The following RALYL variants were observed in gnomAD, a reference collection of about 807,000 sequenced individuals.
The protein encoded by RALYL is RNA-binding Raly-like protein.
In RALYL, 29 loss-of-function variants were observed where a neutral mutation model predicts 35.1. The observed-to-expected ratio is 0.83, with a 90% CI of 0.61 to 1.13. The LOEUF (loss-of-function observed/expected upper bound fraction) is 1.13, where lower values mean the gene tolerates loss of function less well. Among genes scored for constraint, RALYL ranks in the 50% most tolerant of loss-of-function variants. The pLI is 0.00. For missense variants in RALYL, 359 were observed against 360.4 expected, an observed-to-expected ratio of 1.00 and a Z score of 0.03; for synonymous variants, 120 against 127.6, an observed-to-expected ratio of 0.94 and a Z score of 0.40.
At chr8:84,748,088 A>T (rs549991762) in intron 2 of RALYL, among the ~76,000 whole-genome samples, 1 of 152,110 alleles carries the variant, frequency 6.6e-6, no homozygotes, top group South Asian at 2.1e-4. Context: ...AGGAAGGTAG[A>T]ATTCTTAGGT....
chr8:84,811,084 AACTTAT>A (rs1825803906), intron 4 of RALYL, among the ~76,000 whole-genome samples: 1 of 149,760 alleles, frequency 6.7e-6, no homozygotes, highest in African/African-American at 2.5e-5. Context: ...TTTTCTTTTT[AACTTAT>A]ACTTTTGTTT....
chr8:84,719,339 T>A (rs1298645818), intron 2 of RALYL, among the ~76,000 whole-genome samples: 4 of 152,210 alleles, frequency 2.6e-5, no homozygotes, highest in Non-Finnish European at 5.9e-5. Flanking sequence ...TATGTTACTA[T>A]GATATAGGCT....
intron 2 of RALYL, among the ~76,000 whole-genome samples, chr8:84,661,579 A>G (rs1830916449): frequency 6.7e-6 from 1 of 150,374 alleles, no homozygotes; most frequent in African/African-American, 2.4e-5. Flanking sequence ...TTATGGCAAT[A>G]GTTTTTTGAC....
chr8:84,326,519 T>C (rs554326794), intron 1 of RALYL, among the ~76,000 whole-genome samples: 237 of 152,346 alleles, frequency 1.6e-3, no homozygotes, highest in Non-Finnish European at 2.9e-3. Flanking sequence ...TTCGCTTAGT[T>C]GATGCCTCAA....
chr8:84,917,064 T>C (rs527343429), intron 8 of RALYL, among the ~76,000 whole-genome samples: 1 of 152,296 alleles, frequency 6.6e-6, no homozygotes, highest in East Asian at 1.9e-4. Context: ...ATACAGTAAC[T>C]TAAATTCTAT....
At chr8:84,513,148 G>A (rs1275382075) in intron 1 of RALYL, among the ~76,000 whole-genome samples, 1 of 152,088 alleles carries the variant, frequency 6.6e-6, no homozygotes, top group Non-Finnish European at 1.5e-5. Flanking sequence ...CATTCAATGA[G>A]CATGAAATGT....
intron 1 of RALYL, among the ~76,000 whole-genome samples, chr8:84,405,082 A>T (rs1400417597): frequency 1.3e-5 from 2 of 152,196 alleles, no homozygotes; most frequent in Admixed American, 1.3e-4. Context: ...ACACAACTAC[A>T]TGGAAACTGA....
At chr8:84,640,898 C>G (rs925642677) in intron 2 of RALYL, among the ~76,000 whole-genome samples, 1 of 151,834 alleles carries the variant, frequency 6.6e-6, no homozygotes, top group Non-Finnish European at 1.5e-5. Context: ...CTTATAAAGA[C>G]CATTATAACT....
intron 1 of RALYL, among the ~76,000 whole-genome samples, chr8:84,466,545 C>A (rs2133541166): frequency 6.6e-6 from 1 of 151,568 alleles, no homozygotes; most frequent in South Asian, 2.1e-4. Context: ...TTCGTTTTGC[C>A]AGTATTTTAT....
chr8:84,729,678 G>C (rs1050618483), intron 2 of RALYL, among the ~76,000 whole-genome samples: 1 of 151,796 alleles, frequency 6.6e-6, no homozygotes, highest in Non-Finnish European at 1.5e-5. Flanking sequence ...TCAAATAGAC[G>C]CAATAAAAAA....
intron 2 of RALYL, among the ~76,000 whole-genome samples, chr8:84,755,442 A>G (rs1811153113): frequency 6.6e-6 from 1 of 152,164 alleles, no homozygotes; most frequent in Admixed American, 6.6e-5. Context: ...TTTTGTTCAT[A>G]TTTGCTGTAT....
intron 1 of RALYL, among the ~76,000 whole-genome samples, chr8:84,407,536 A>G (rs1452183648): frequency 2.0e-5 from 3 of 151,902 alleles, no homozygotes; most frequent in Non-Finnish European, 2.9e-5. Flanking sequence ...TTGGCTCAAA[A>G]CTGAACATGT....
chr8:84,843,323 A>C (rs1833857474), intron 4 of RALYL, among the ~76,000 whole-genome samples: 1 of 152,160 alleles, frequency 6.6e-6, no homozygotes, highest in Non-Finnish European at 1.5e-5. Context: ...TACACCAATA[A>C]CAGACAAACA....
chr8:84,912,618 T>C (rs1374521875), intron 8 of RALYL, among the ~76,000 whole-genome samples: 2 of 152,070 alleles, frequency 1.3e-5, no homozygotes, highest in Admixed American at 1.3e-4. Context: ...ATTGGCTTCC[T>C]AACGCTCATT....
intron 2 of RALYL, among the ~76,000 whole-genome samples, chr8:84,632,974 G>T (rs1824243543): frequency 2.0e-5 from 3 of 151,906 alleles, no homozygotes; most frequent in African/African-American, 7.2e-5. Context: ...AATAGATTCA[G>T]TTTAAATATC....
Position 84,745,580 on chromosome 8 carries a change from T to A in RALYL, c.257-28999T>A, listed in dbSNP as rs1808420984. ...TGCCTTCTTTATCTCTAATGGCCCATAGTATATTTTTTTTCATGAGGTCTC... is the reference window on the plus strand; with the variant it reads ...TGCCTTCTTTATCTCTAATGGCCCAAAGTATATTTTTTTTCATGAGGTCTC... On this transcript the variant is annotated intron_variant, in intron 2 of 8. Transcript: ENST00000521268. Among the ~76,000 whole-genome samples the A allele has an allele frequency of 2.0e-5, 3 of 152,140 alleles. No individual in the cohort carries two copies. In the South Asian group the frequency reaches 6.2e-4, roughly 31 times the overall value.
At chr8:84,207,173 A>G (rs2131096072) in intron 1 of RALYL, among the ~76,000 whole-genome samples, 1 of 152,282 alleles carries the variant, frequency 6.6e-6, no homozygotes, top group Admixed American at 6.5e-5. Flanking sequence ...GGGAATTCAA[A>G]GGAAATTAAA....
At chr8:84,318,602 C>T (rs1414591779) in intron 1 of RALYL, among the ~76,000 whole-genome samples, 1 of 151,820 alleles carries the variant, frequency 6.6e-6, no homozygotes, top group Non-Finnish European at 1.5e-5. Context: ...TTTCTTTTTC[C>T]TTCTTGTTAT....
At chr8:84,249,496 A>G (rs1829763876) in intron 1 of RALYL, among the ~76,000 whole-genome samples, 1 of 152,152 alleles carries the variant, frequency 6.6e-6, no homozygotes, top group South Asian at 2.1e-4. Flanking sequence ...AACTTTATCA[A>G]ACCATTTTTG....
Sources: allele counts gnomAD v4.1 joint callset (sites outside exome capture counted in the v4.1 genomes callset), GRCh38; gene constraint gnomAD v4.1.1; transcripts MANE v1.5; gene names NCBI Gene and HGNC (gene_info 2026-07-23, HGNC 2026-07-21).